The following TM4SF4 variants were observed in gnomAD, a reference collection of about 807,000 sequenced individuals.
TM4SF4 encodes transmembrane 4 L6 family member 4.
Under a neutral mutation model 24.1 loss-of-function variants are expected in TM4SF4, and 24 were observed. The ratio of observed to expected loss-of-function variants is 1.00; its 90% CI spans 0.72 to 1.40. The LOEUF (loss-of-function observed/expected upper bound fraction) is 1.40. TM4SF4 is among the 40% of genes most tolerant of loss of function. The pLI, the probability that TM4SF4 is intolerant of heterozygous loss-of-function variation, is 0.00. For missense variants in TM4SF4, 254 were observed against 254.2 expected, an observed-to-expected ratio of 1.00 and a Z score of 0.01; for synonymous variants, 113 against 97.0, an observed-to-expected ratio of 1.17 and a Z score of -0.97.
intron 3 of TM4SF4, among the ~76,000 whole-genome samples, chr3:149,496,973 C>G (rs1248273606): frequency 6.6e-6 from 1 of 151,802 alleles, no homozygotes; most frequent in Admixed American, 6.6e-5. Context: ...AGTTTGAGAC[C>G]AGCCTGGGCA....
chr3:149,499,452 A>T (rs551409113), intron 4 of TM4SF4, among the ~76,000 whole-genome samples: 21 of 152,212 alleles, frequency 1.4e-4, no homozygotes, highest in Admixed American at 2.6e-4. Context: ...ATAATATTGT[A>T]AAATACCAAC....
rs779109027 is a variant in TM4SF4, at chr3:149,474,961, A to AT, written c.90dup (p.Pro31SerfsTer8). 1 of 1,613,686 alleles carries AT rather than the reference A, an allele frequency of 6.2e-7. No individual in the cohort carries two copies. The highest frequency in any genetic ancestry group is 8.5e-7 in the Non-Finnish European group (1 of 1,179,818). ...TTGGCTTCCTGGCTAACATCCTGTT[A>AT]TTTTTTCCTGGAGGAAAAGTGATAG... On this transcript the variant is annotated frameshift_variant, in exon 1 of 5. Coordinates refer to ENST00000305354, the MANE Select transcript of TM4SF4 (RefSeq NM_004617.4). LOFTEE classifies it high-confidence loss of function.
rs1019087689 is a variant in TM4SF4, at chr3:149,487,610, C to G, written c.265-9C>G. On this transcript the variant is annotated splice_polypyrimidine_tract_variant and intron_variant, in intron 2 of 4. Coordinates refer to ENST00000305354, the MANE Select transcript of TM4SF4 (RefSeq NM_004617.4). ...GGAGAATGTGACTGTCTCTCTTCCT[C>G]TCTTTCAGATGTTCACCTCCACGAT... is the stretch of plus-strand genomic sequence containing the variant. 20 of 1,613,846 alleles carry G rather than the reference C, an allele frequency of 1.2e-5. No individual in the cohort carries two copies. Among genetic ancestry groups the G allele is most frequent in the Non-Finnish European group, 1.7e-5 (20 of 1,179,872 alleles).
At chr3:149,489,511 G>T (rs1471571046) in intron 3 of TM4SF4, among the ~76,000 whole-genome samples, 1 of 152,194 alleles carries the variant, frequency 6.6e-6, no homozygotes, top group African/African-American at 2.4e-5. Flanking sequence ...GGCCTCACAT[G>T]TTCTGACTGC....
intron 3 of TM4SF4, among the ~76,000 whole-genome samples, chr3:149,488,886 G>A (rs1734164724): frequency 6.6e-6 from 1 of 152,142 alleles, no homozygotes; most frequent in African/African-American, 2.4e-5. Context: ...AAAATCTGTA[G>A]AACACCAATA....
intron 2 of TM4SF4, among the ~76,000 whole-genome samples, chr3:149,481,281 G>GAGGAGGA (rs1560029377): frequency 6.6e-6 from 1 of 151,828 alleles, no homozygotes; most frequent in Non-Finnish European, 1.5e-5. Flanking sequence ...TGGTGTAAGG[G>GAGGAGGA]AAGTACCAAC....
At chr3:149,500,010 G>T (rs1369217171) in intron 4 of TM4SF4, among the ~76,000 whole-genome samples, 1 of 152,128 alleles carries the variant, frequency 6.6e-6, no homozygotes, top group African/African-American at 2.4e-5. Context: ...TCCGGCCTTT[G>T]TCTTCTATCC....
chr3:149,475,659 A>G, intron 1 of TM4SF4, 164 bp from the exon 2 acceptor site: 1 of 561,574 alleles, frequency 1.8e-6, no homozygotes, highest in Non-Finnish European at 3.2e-6. Context: ...GAATCTAAGT[A>G]CTCCATAACA....
intron 3 of TM4SF4, chr3:149,495,959 A>T (rs1042532140): frequency 9.3e-5 from 25 of 269,814 alleles, no homozygotes; most frequent in African/African-American, 5.7e-4. Flanking sequence ...GCTGACCAGA[A>T]GGCTTGGCAA....
chr3:149,486,161 C>A (rs1734113195), intron 2 of TM4SF4, among the ~76,000 whole-genome samples: 1 of 152,134 alleles, frequency 6.6e-6, no homozygotes, highest in Non-Finnish European at 1.5e-5. Context: ...TACCCCATCC[C>A]AGATATGTAC....
intron 1 of TM4SF4, among the ~76,000 whole-genome samples, chr3:149,475,570 T>G (rs1733913604): frequency 1.3e-5 from 2 of 152,214 alleles, no homozygotes; most frequent in South Asian, 4.1e-4. Flanking sequence ...TTTGTTATTC[T>G]TTTTTCTAAC....
chr3:149,478,591 A>G (rs373143403), intron 2 of TM4SF4, among the ~76,000 whole-genome samples: 3 of 152,216 alleles, frequency 2.0e-5, no homozygotes, highest in African/African-American at 7.2e-5. Flanking sequence ...AATTGAGGAT[A>G]ACTCCTCCAA....
At chr3:149,498,378 A>G (rs62269285) in intron 3 of TM4SF4, among the ~76,000 whole-genome samples, 2,879 of 152,268 alleles carry the variant, frequency 0.019, 51 homozygotes, top group South Asian at 0.039. Context: ...TTGGACAGCT[A>G]ATGAAAATTG....
rs371964026 is a variant in TM4SF4, at chr3:149,480,072, C to T, written c.264+4160C>T. ...ACTGAAGCTGAGCTCCAAAGGCCTG[C>T]GCTCTTTCAAATAAATTAGGCTAAA... On this transcript the variant is annotated intron_variant, in intron 2 of 4. Transcript: ENST00000305354. 2.6e-5 allele frequency among the ~76,000 whole-genome samples: 4 copies of T among 152,136 alleles called. No individual in the cohort carries two copies. In the East Asian group the frequency reaches 5.8e-4, roughly 22 times the overall value.
chr3:149,487,902 G>A (rs889377786), intron 3 of TM4SF4, 147 bp downstream of exon 3: 1 of 1,143,430 alleles, frequency 8.7e-7, no homozygotes, highest in Admixed American at 2.5e-5. Flanking sequence ...ATGGAGTTGT[G>A]GAATACAGCA....
intron 2 of TM4SF4, among the ~76,000 whole-genome samples, chr3:149,483,935 C>A (rs2107869075): frequency 6.6e-6 from 1 of 152,084 alleles, no homozygotes; most frequent in Non-Finnish European, 1.5e-5. Flanking sequence ...TGCACACTAC[C>A]ATGCCTGGCT....
At chr3:149,496,165 C>G (rs930137400) in intron 3 of TM4SF4, among the ~76,000 whole-genome samples, 10 of 149,862 alleles carry the variant, frequency 6.7e-5, no homozygotes, top group African/African-American at 2.4e-4. Context: ...GTTTTGTTGA[C>G]CATTTGGGAT....
chr3:149,475,577 T>C (rs1240633557), intron 1 of TM4SF4, among the ~76,000 whole-genome samples: 5 of 152,220 alleles, frequency 3.3e-5, no homozygotes, highest in African/African-American at 1.2e-4. Flanking sequence ...TTCTTTTTTC[T>C]AACACACCAT....
At chr3:149,501,622 T>C (rs1734427943) in intron 4 of TM4SF4, among the ~76,000 whole-genome samples, 1 of 152,230 alleles carries the variant, frequency 6.6e-6, no homozygotes, top group South Asian at 2.1e-4. Context: ...GCAGCTGGCC[T>C]CTCATGGGGC....
Sources: gnomAD v4.1 joint callset for allele counts (sites outside exome capture counted in the v4.1 genomes callset) on GRCh38, gnomAD v4.1.1 for gene constraint, MANE v1.5 for transcripts, NCBI Gene and HGNC (gene_info 2026-07-23, HGNC 2026-07-21) for gene names.